The following CENPI variants were observed in gnomAD, a reference collection of about 807,000 sequenced individuals.
CENPI encodes FSH primary response 1.
CENPI carries 4 observed loss-of-function variants against 60.4 expected under a neutral mutation model. The observed-to-expected ratio is 0.07, with a 90% confidence interval of 0.03 to 0.15. The LOEUF (loss-of-function observed/expected upper bound fraction) is 0.15, where lower values mean the gene tolerates loss of function less well. Among genes scored for constraint, CENPI ranks in the 10% least tolerant of loss-of-function variants. The probability of loss-of-function intolerance (pLI) is 1.00; values close to 1 mark genes in which losing one functional copy is unlikely to be tolerated. For missense variants in CENPI, 444 were observed against 534.5 expected (o/e 0.83, Z 1.67); for synonymous variants, 157 against 189.4 (o/e 0.83, Z 1.40).
In CENPI at chrX:101,104,973, G is replaced by GGT. The variant is rs2089466114; in HGVS notation, c.364+2571_364+2572dup. ...TATACCCTAGCAGCATACTTGCAGG[G>GGT]GTGTGTGTGTATTTATTTTAAAGTA... On this transcript the variant is annotated intron_variant, in intron 4 of 21. Coordinates refer to ENST00000682095, the MANE Select transcript of CENPI (RefSeq NM_001386188.2). Among the ~76,000 whole-genome samples the GGT allele has an allele frequency of 2.7e-5, 3 of 111,301 alleles. No homozygotes were observed. The Admixed American group carries it at 2.9e-4, about 11-fold the overall frequency.
intron 8 of CENPI, among the ~76,000 whole-genome samples, chrX:101,123,774 G>A (rs932677873): frequency 9.1e-6 from 1 of 109,503 alleles, no homozygotes; most frequent in Non-Finnish European, 1.9e-5. Flanking sequence ...TTTTTGTAGA[G>A]ACAGGGTCTC....
intron 4 of CENPI, among the ~76,000 whole-genome samples, chrX:101,109,014 G>A (rs968029047): frequency 1.9e-5 from 2 of 107,458 alleles, no homozygotes; most frequent in Non-Finnish European, 3.8e-5. Context: ...ATAATGATAA[G>A]AGATACTGAA....
chrX:101,160,375 CTTTTT>C (rs763855508), intron 20 of CENPI, among the ~76,000 whole-genome samples: 5 of 81,423 alleles, frequency 6.1e-5, no homozygotes, highest in African/African-American at 1.4e-4. Flanking sequence ...GCTTTTAGTT[CTTTTT>C]TTTTTTTTTT....
chrX:101,147,799 G>C lies in CENPI; in HGVS notation c.1863G>C (p.Glu621Asp). ...ATTTGACTGCCGCAAAGAAAAATGAGTTGGTACAAAAGGTATGAATGAGAA... is the reference window on the plus strand; with the variant it reads ...ATTTGACTGCCGCAAAGAAAAATGACTTGGTACAAAAGGTATGAATGAGAA... ...RKNLTAAKKN[E>D]LVQKTKSEFN... is the part of the protein sequence containing the mutation. The change falls in exon 19 of 22, where the codon GAG becomes GAC. Residue 621 changes from glutamate (E) to aspartate (D), a missense_variant. Glu to Asp is a conservative substitution (Grantham distance 45). Transcript: ENST00000682095. 1 of 1,206,484 alleles carries C rather than the reference G, an allele frequency of 8.3e-7. No homozygotes were observed. Among genetic ancestry groups the C allele is most frequent in the Non-Finnish European group, 1.1e-6 (1 of 892,356 alleles).
chrX:101,114,715 A>G (rs1243069877), intron 6 of CENPI, among the ~76,000 whole-genome samples: 1 of 105,075 alleles, frequency 9.5e-6, no homozygotes, highest in Admixed American at 1.0e-4. Flanking sequence ...TCTCGGCTCA[A>G]TGCAACCTCC....
intron 20 of CENPI, among the ~76,000 whole-genome samples, chrX:101,155,485 T>C (rs1408900853): frequency 1.8e-5 from 2 of 111,823 alleles, no homozygotes; most frequent in African/African-American, 6.5e-5. Flanking sequence ...CCACCACACC[T>C]GGCCGAATGT....
chrX:101,162,736 C>T (rs1296440273), intron 21 of CENPI, 97 bp from the exon 22 acceptor site: 28 of 953,530 alleles, frequency 2.9e-5, no homozygotes, highest in Middle Eastern at 2.9e-4. Context: ...TATGTGCATG[C>T]GGGATGCTGC....
intron 20 of CENPI, among the ~76,000 whole-genome samples, chrX:101,151,116 T>A (rs1771690495): frequency 8.9e-6 from 1 of 112,161 alleles, no homozygotes; most frequent in Non-Finnish European, 1.9e-5. Flanking sequence ...TGTCTGGTAC[T>A]ACCCTAATCC....
chrX:101,156,398 C>T (rs190932428), intron 20 of CENPI, among the ~76,000 whole-genome samples: 5 of 112,047 alleles, frequency 4.5e-5, no homozygotes, highest in Admixed American at 3.8e-4. Flanking sequence ...CACCATTATT[C>T]CCATCTGGAA....
chrX:101,181,760 G>C, the CENPI span, among the ~76,000 whole-genome samples: 1 of 111,429 alleles, frequency 9.0e-6, no homozygotes, highest in African/African-American at 3.3e-5. Context: ...TTTTTAATCT[G>C]AATGTCTTTT....
chrX:101,137,624 A>T (rs2089860640), intron 15 of CENPI, among the ~76,000 whole-genome samples: 1 of 111,705 alleles, frequency 9.0e-6, no homozygotes, highest in South Asian at 3.8e-4. Context: ...GACTGAAGAT[A>T]AAGTGTAAAG....
At position 101,163,753 on chromosome X, in the gene CENPI, C is replaced by G. The variant is rs2090130304; in HGVS notation, c.*786C>G. 8.9e-6 allele frequency: 1 copy of G among 112,087 alleles called. No homozygotes were observed. Among genetic ancestry groups the G allele is most frequent in the Admixed American group, 9.4e-5 (1 of 10,629 alleles). 9.2% of individuals were successfully genotyped at this position (112,087 alleles called of 1,213,427 possible). Reference sequence around the variant, plus strand: ...CTGAAAATGTACTATAAAATTTTGCCTGCTGGGCGTGGTGGCTCACGCCTG... The same window carrying G: ...CTGAAAATGTACTATAAAATTTTGCGTGCTGGGCGTGGTGGCTCACGCCTG... On this transcript the variant is annotated 3_prime_UTR_variant, in exon 22 of 22. Coordinates refer to ENST00000682095, the MANE Select transcript of CENPI (RefSeq NM_001386188.2).
At chrX:101,177,197 G>GA in the CENPI span, among the ~76,000 whole-genome samples, 1 of 111,543 alleles carries the variant, frequency 9.0e-6, no homozygotes, top group Non-Finnish European at 1.9e-5. Context: ...CAGGTATGGT[G>GA]TGGTCAATGA....
intron 3 of CENPI, 108 bp from the exon 4 acceptor site, chrX:101,102,166 G>A (rs775210271): frequency 1.9e-4 from 109 of 576,396 alleles, no homozygotes; most frequent in Admixed American, 1.2e-3. Context: ...GGGTCACCAC[G>A]CCTGGTTATT....
chrX:101,105,523 A>T (rs2089473888), intron 4 of CENPI, among the ~76,000 whole-genome samples: 2 of 111,853 alleles, frequency 1.8e-5, no homozygotes, highest in African/African-American at 6.5e-5. Context: ...ACTCCATCTC[A>T]AAAAAACAAA....
chrX:101,099,806 T>A (rs1245665700), intron 2 of CENPI: 1 of 77,837 alleles, frequency 1.3e-5, no homozygotes, highest in Non-Finnish European at 2.5e-5. Flanking sequence ...TTTTTTTTTT[T>A]AGACAAAGTC....
chrX:101,163,054 A>G lies in CENPI; in HGVS notation c.*87A>G, dbSNP rs2090124815. ...TGGCTCATCTTGAGTTCCCATTTTC[A>G]TTTCACTGACAGACTGCCATCCTCA... On this transcript the variant is annotated 3_prime_UTR_variant, in exon 22 of 22. Transcript: ENST00000682095. 4 of 974,992 alleles carry G rather than the reference A, an allele frequency of 4.1e-6. No homozygotes were observed. Among genetic ancestry groups the G allele is most frequent in the South Asian group, 4.2e-5 (2 of 47,530 alleles). 80.4% of individuals were successfully genotyped at this position (974,992 alleles called of 1,213,427 possible). A position where few individuals can be genotyped will look rare whatever the true frequency, so the allele number is the denominator to read the frequency against.
At position 101,163,889 on chromosome X, in the gene CENPI, G is replaced by T. The variant is rs775345421; in HGVS notation, c.*922G>T. ...TCTCTACTAAAAATACAAAAAATTGGCCGGGCATGCCGGCACGTGCCTGTA... is the reference window on the plus strand; with the variant it reads ...TCTCTACTAAAAATACAAAAAATTGTCCGGGCATGCCGGCACGTGCCTGTA... On this transcript the variant is annotated 3_prime_UTR_variant, in exon 22 of 22. Transcript: ENST00000682095. 6.9e-4 allele frequency among the ~76,000 whole-genome samples: 76 copies of T among 110,828 alleles called. No individual in the cohort carries two copies. Among genetic ancestry groups the T allele is most frequent in the African/African-American group, 2.4e-3 (72 of 30,506 alleles).
the CENPI span, among the ~76,000 whole-genome samples, chrX:101,174,879 G>A: frequency 9.0e-6 from 1 of 111,552 alleles, no homozygotes; most frequent in Non-Finnish European, 1.9e-5. Flanking sequence ...AGGCCGAGGC[G>A]GGTGGATCAC....
Sources: allele counts gnomAD v4.1 joint callset (sites outside exome capture counted in the v4.1 genomes callset), GRCh38; gene constraint gnomAD v4.1.1; transcripts MANE v1.5; gene names NCBI Gene and HGNC (gene_info 2026-07-23, HGNC 2026-07-21).